The following COG6 variants were observed in gnomAD, a reference collection of about 807,000 sequenced individuals.
The protein encoded by COG6 is conserved oligomeric Golgi complex subunit 6.
COG6 carries 74 observed loss-of-function variants against 88.8 expected under a neutral mutation model. The ratio of observed to expected loss-of-function variants is 0.83; its 90% CI spans 0.69 to 1.01. The LOEUF is 1.01. COG6 is among the 50% of genes least tolerant of loss of function. The probability of loss-of-function intolerance (pLI) is 0.00; values close to 1 mark genes in which losing one functional copy is unlikely to be tolerated. For missense variants in COG6, 800 were observed against 797.9 expected (o/e 1.00, Z -0.03); for synonymous variants, 286 against 278.7 (o/e 1.03, Z -0.26).
At chr13:39,775,900 G>T (rs915147063) in intron 18 of COG6, among the ~76,000 whole-genome samples, 6 of 151,822 alleles carry the variant, frequency 4.0e-5, no homozygotes, top group African/African-American at 1.2e-4. Flanking sequence ...CTCCCAAGTA[G>T]CTGGGATTAC....
At chr13:39,779,009 A>G (rs546487374) in intron 18 of COG6, among the ~76,000 whole-genome samples, 1 of 152,362 alleles carries the variant, frequency 6.6e-6, no homozygotes, top group African/African-American at 2.4e-5. Context: ...GTCTGGTTCA[A>G]ATCAAGGGAG....
chr13:39,691,494 T>C (rs1306329609), intron 11 of COG6, among the ~76,000 whole-genome samples: 2 of 151,948 alleles, frequency 1.3e-5, no homozygotes, highest in African/African-American at 4.8e-5. Context: ...AAAAATTCCT[T>C]TTCTGAAATG....
At chr13:39,695,206 C>A (rs934923062) in intron 12 of COG6, among the ~76,000 whole-genome samples, 2 of 151,592 alleles carry the variant, frequency 1.3e-5, no homozygotes, top group Non-Finnish European at 3.0e-5. Context: ...AACCTAAATT[C>A]TTTAGCATTT....
intron 1 of COG6, 37 bp downstream of exon 1, chr13:39,655,916 T>TG (rs1451786545): frequency 6.3e-7 from 1 of 1,586,976 alleles, no homozygotes. Context: ...CACAGGTTCC[T>TG]GCGGGGCTGA....
intron 8 of COG6, among the ~76,000 whole-genome samples, chr13:39,686,879 A>T: frequency 6.7e-6 from 1 of 149,388 alleles, no homozygotes; most frequent in South Asian, 2.1e-4. Flanking sequence ...ATAGGCATGC[A>T]CCACCATGCC....
intron 12 of COG6, among the ~76,000 whole-genome samples, chr13:39,696,149 C>T (rs1369017072): frequency 9.5e-6 from 1 of 104,932 alleles, no homozygotes; most frequent in African/African-American, 3.7e-5. Flanking sequence ...TTGAAGATGA[C>T]AATTAAAATC....
intron 13 of COG6, among the ~76,000 whole-genome samples, chr13:39,705,078 T>C (rs1179654924): frequency 6.6e-6 from 1 of 152,302 alleles, no homozygotes; most frequent in African/African-American, 2.4e-5. Context: ...GTAAATGATT[T>C]CACTTCCTCT....
intron 12 of COG6, among the ~76,000 whole-genome samples, chr13:39,695,945 T>C (rs1877248423): frequency 1.3e-5 from 2 of 152,002 alleles, no homozygotes; most frequent in South Asian, 4.1e-4. Flanking sequence ...AAAAAGATGC[T>C]GGTAAAATAA....
At chr13:39,706,723 G>A (rs1258474951) in intron 13 of COG6, among the ~76,000 whole-genome samples, 13 of 152,026 alleles carry the variant, frequency 8.6e-5, no homozygotes, top group East Asian at 3.9e-4. Flanking sequence ...TGTCTCTGTC[G>A]TCCAGGCTGG....
At chr13:39,774,492 A>G (rs1352503215) in intron 18 of COG6, among the ~76,000 whole-genome samples, 1 of 152,022 alleles carries the variant, frequency 6.6e-6, no homozygotes, top group East Asian at 1.9e-4. Context: ...CTTTTTGTTT[A>G]TAATTTACTT....
At chr13:39,780,461 T>C (rs1221608009) in intron 18 of COG6, among the ~76,000 whole-genome samples, 1 of 152,180 alleles carries the variant, frequency 6.6e-6, no homozygotes, top group African/African-American at 2.4e-5. Context: ...GGTGAAGTAA[T>C]TTATTAATTT....
chr13:39,711,603 C>T (rs747973444), intron 13 of COG6, among the ~76,000 whole-genome samples: 8 of 152,106 alleles, frequency 5.3e-5, no homozygotes, highest in Non-Finnish European at 1.0e-4. Flanking sequence ...CCTCCTCCTT[C>T]TCATCAGTCT....
At chr13:39,661,300 C>T (rs1235211507) in intron 3 of COG6, among the ~76,000 whole-genome samples, 1 of 152,092 alleles carries the variant, frequency 6.6e-6, no homozygotes, top group African/African-American at 2.4e-5. Flanking sequence ...ACTTTTAGGT[C>T]TTTTAATGAA....
At chr13:39,708,330 C>T (rs150936425) in intron 13 of COG6, among the ~76,000 whole-genome samples, 1 of 152,238 alleles carries the variant, frequency 6.6e-6, no homozygotes, top group Admixed American at 6.6e-5. Flanking sequence ...ACTTTTTGAA[C>T]TGTCTTTTCA....
chr13:39,753,323 A>G (rs9548920), downstream of COG6, among the ~76,000 whole-genome samples: 63,318 of 152,012 alleles, frequency 0.42, 13,578 homozygotes, highest in Admixed American at 0.57. Context: ...ACTAGACACC[A>G]AATCTTTTGG....
chr13:39,771,998 C>CT (rs1881330641), intron 18 of COG6, among the ~76,000 whole-genome samples: 1 of 152,188 alleles, frequency 6.6e-6, no homozygotes, highest in Non-Finnish European at 1.5e-5. Context: ...CAAAAACTTC[C>CT]TCCCAAATTA....
At position 39,698,489 on chromosome 13, in the gene COG6, A is replaced by G. The variant is rs564502583; in HGVS notation, c.1167-1012A>G. On this transcript the variant is annotated intron_variant, in intron 12 of 18. Transcript: ENST00000455146. Reference sequence around the variant, plus strand: ...TATATATGCACTTTACTAATAATTTACATTGTTTTCATGAACTATGTAAGA... The same window carrying G: ...TATATATGCACTTTACTAATAATTTGCATTGTTTTCATGAACTATGTAAGA... Among the ~76,000 whole-genome samples the G allele has an allele frequency of 3.3e-5, 5 of 152,034 alleles. No homozygotes were observed. The South Asian group carries it at 1.0e-3, about 32-fold the overall frequency.
intron 7 of COG6, among the ~76,000 whole-genome samples, chr13:39,680,784 A>G (rs906408620): frequency 3.3e-5 from 5 of 151,876 alleles, no homozygotes; most frequent in Admixed American, 2.0e-4. Context: ...TCATTTTCTC[A>G]TGTTGATTCT....
chr13:39,787,072 T>A (rs1489258583), intron 18 of COG6, among the ~76,000 whole-genome samples: 1 of 152,106 alleles, frequency 6.6e-6, no homozygotes, highest in Non-Finnish European at 1.5e-5. Context: ...CTCTGCCCAT[T>A]TTTTTTCTCA....
Sources: gnomAD v4.1 joint callset for allele counts (sites outside exome capture counted in the v4.1 genomes callset) on GRCh38, gnomAD v4.1.1 for gene constraint, MANE v1.5 for transcripts, NCBI Gene and HGNC (gene_info 2026-07-23, HGNC 2026-07-21) for gene names.